Variants in IL1RAPL1 observed in about 807,000 individuals in gnomAD.
IL1RAPL1 encodes interleukin-1 receptor accessory protein-like 1.
Under a neutral mutation model 48.4 loss-of-function variants are expected in IL1RAPL1, and 3 were observed. That is an observed-to-expected ratio of 0.06 (90% CI 0.03 to 0.16). The LOEUF is 0.16. Ranked by LOEUF, IL1RAPL1 falls within the 10% of genes least tolerant of loss-of-function variation. The pLI, the probability that IL1RAPL1 is intolerant of heterozygous loss-of-function variation, is 1.00. For synonymous variants in IL1RAPL1, 185 were observed against 187.7 expected, an observed-to-expected ratio of 0.99 and a Z score of 0.12; for missense variants, 349 against 530.6, an observed-to-expected ratio of 0.66 and a Z score of 3.36.
At chrX:28,742,434 G>A (rs892110730) in intron 1 of IL1RAPL1, among the ~76,000 whole-genome samples, 1 of 111,423 alleles carries the variant, frequency 9.0e-6, no homozygotes, top group Non-Finnish European at 1.9e-5. Context: ...AGATGAAAAT[G>A]TATTTTCCTA....
intron 6 of IL1RAPL1, among the ~76,000 whole-genome samples, chrX:29,790,359 C>T (rs774360056): frequency 2.1e-4 from 23 of 111,256 alleles, no homozygotes; most frequent in Non-Finnish European, 2.6e-4. Context: ...ATTCTTATTG[C>T]GAACTATAAA....
intron 5 of IL1RAPL1, among the ~76,000 whole-genome samples, chrX:29,477,380 C>G (rs1934989808): frequency 8.9e-6 from 1 of 111,888 alleles, no homozygotes; most frequent in Admixed American, 9.5e-5. Flanking sequence ...TTATACAATT[C>G]AGAAGACAAG....
chrX:29,615,070 C>G (rs938700149), intron 5 of IL1RAPL1, among the ~76,000 whole-genome samples: 1 of 111,919 alleles, frequency 8.9e-6, no homozygotes, highest in Non-Finnish European at 1.9e-5. Context: ...CAAAGGTGCT[C>G]TACTAAATTA....
At chrX:29,193,657 G>A (rs1393234247) in intron 2 of IL1RAPL1, among the ~76,000 whole-genome samples, 1 of 110,993 alleles carries the variant, frequency 9.0e-6, no homozygotes, top group Non-Finnish European at 1.9e-5. Flanking sequence ...TGTAGAACAA[G>A]GGAGTAATTT....
At chrX:29,279,477 C>G (rs1932168658) in intron 2 of IL1RAPL1, among the ~76,000 whole-genome samples, 1 of 111,233 alleles carries the variant, frequency 9.0e-6, no homozygotes, top group Non-Finnish European at 1.9e-5. Flanking sequence ...TTGAATATGC[C>G]TTGAACTGTT....
At chrX:28,839,936 T>C (rs2147291322) in intron 2 of IL1RAPL1, among the ~76,000 whole-genome samples, 1 of 110,550 alleles carries the variant, frequency 9.0e-6, no homozygotes, top group Non-Finnish European at 1.9e-5. Context: ...GAATATATAG[T>C]AGAGTTTAAA....
intron 6 of IL1RAPL1, among the ~76,000 whole-genome samples, chrX:29,696,691 G>GAGC (rs1926921899): frequency 1.8e-5 from 2 of 111,506 alleles, no homozygotes; most frequent in Admixed American, 9.5e-5. Context: ...TTTGAGAAAG[G>GAGC]AGCAACAGAA....
chrX:29,295,250 A>G (rs1403290515), intron 3 of IL1RAPL1, among the ~76,000 whole-genome samples: 2 of 112,036 alleles, frequency 1.8e-5, no homozygotes, highest in African/African-American at 6.5e-5. Context: ...TTCAATACAA[A>G]CCTAAACATT....
chrX:29,384,467 A>G (rs1933749577), intron 3 of IL1RAPL1, among the ~76,000 whole-genome samples: 1 of 112,151 alleles, frequency 8.9e-6, no homozygotes, highest in African/African-American at 3.2e-5. Flanking sequence ...AGGAGAAAAT[A>G]TATACCAATA....
chrX:29,199,140 A>G (rs1425310427), intron 2 of IL1RAPL1, among the ~76,000 whole-genome samples: 1 of 112,164 alleles, frequency 8.9e-6, no homozygotes, highest in Non-Finnish European at 1.9e-5. Flanking sequence ...ATTCATGAAT[A>G]TCTGATAAAT....
At chrX:28,626,157 C>T (rs1424358066) in intron 1 of IL1RAPL1, among the ~76,000 whole-genome samples, 3 of 111,029 alleles carry the variant, frequency 2.7e-5, no homozygotes, top group Admixed American at 1.9e-4. Flanking sequence ...GAAAATAGGC[C>T]TAGCTATCTA....
intron 5 of IL1RAPL1, among the ~76,000 whole-genome samples, chrX:29,628,245 A>G (rs1224206590): frequency 1.8e-5 from 2 of 112,200 alleles, no homozygotes; most frequent in Non-Finnish European, 3.8e-5. Flanking sequence ...GCAAAGATCA[A>G]AGTTTCCTGG....
At chrX:29,480,551 T>C (rs999715451) in intron 5 of IL1RAPL1, among the ~76,000 whole-genome samples, 3 of 110,590 alleles carry the variant, frequency 2.7e-5, no homozygotes, top group Non-Finnish European at 5.7e-5. Flanking sequence ...TTCATTGATA[T>C]AGTTTCAACC....
intron 1 of IL1RAPL1, among the ~76,000 whole-genome samples, chrX:28,781,132 A>G (rs1333456513): frequency 9.1e-6 from 1 of 110,282 alleles, no homozygotes; most frequent in African/African-American, 3.3e-5. Context: ...ATATATTATC[A>G]TGTAGTTTCT....
At chrX:28,908,308 T>C (rs991844304) in intron 2 of IL1RAPL1, among the ~76,000 whole-genome samples, 3 of 111,771 alleles carry the variant, frequency 2.7e-5, no homozygotes, top group South Asian at 3.7e-4. Flanking sequence ...TCAGATCTTT[T>C]CTTCTTTTGC....
At chrX:28,700,848 C>G (rs1466318289) in intron 1 of IL1RAPL1, among the ~76,000 whole-genome samples, 1 of 111,101 alleles carries the variant, frequency 9.0e-6, no homozygotes, top group Non-Finnish European at 1.9e-5. Context: ...ATGATGGTTT[C>G]CAGCTTCATC....
intron 1 of IL1RAPL1, among the ~76,000 whole-genome samples, chrX:28,714,264 C>G (rs1177112341): frequency 2.7e-5 from 3 of 111,490 alleles, no homozygotes; most frequent in African/African-American, 9.8e-5. Context: ...TTCCTTAGAG[C>G]CCAGACATCT....
chrX:29,837,055 G>C (rs185187346), intron 6 of IL1RAPL1, among the ~76,000 whole-genome samples: 5,099 of 107,312 alleles, frequency 0.048, 323 homozygotes, highest in African/African-American at 0.16. Context: ...GTCAGGAGAT[G>C]GAGACCATCC....
At chrX:29,565,380 G>A (rs1262907394) in intron 5 of IL1RAPL1, among the ~76,000 whole-genome samples, 3 of 109,010 alleles carry the variant, frequency 2.8e-5, no homozygotes, top group Non-Finnish European at 3.8e-5. Flanking sequence ...AACACAACTA[G>A]TGAGTGTGTA....
Sources: gnomAD v4.1 joint callset for allele counts (sites outside exome capture counted in the v4.1 genomes callset) on GRCh38, gnomAD v4.1.1 for gene constraint, MANE v1.5 for transcripts, NCBI Gene and HGNC (gene_info 2026-07-23, HGNC 2026-07-21) for gene names.